Variants in AFG2A observed in about 807,000 individuals in gnomAD.
AFG2A encodes ATPase family gene 2 protein homolog A.
At chr4:123,319,318 T>C in the AFG2A span, 1 of 152,188 alleles carries the variant, frequency 6.6e-6, no homozygotes, top group Admixed American at 6.5e-5. Context: ...GAATGTGAGG[T>C]TATTAGAGTC....
chr4:122,939,250 T>C, the AFG2A span, among the ~76,000 whole-genome samples: 1 of 151,954 alleles, frequency 6.6e-6, no homozygotes, highest in South Asian at 2.1e-4. Context: ...CACGCCTGGC[T>C]GATTTTGTAT....
At chr4:123,017,014 C>G in the AFG2A span, among the ~76,000 whole-genome samples, 2 of 152,064 alleles carry the variant, frequency 1.3e-5, no homozygotes, top group Non-Finnish European at 2.9e-5. Flanking sequence ...CGCAGGCCCT[C>G]GGCAGGCTGA....
chr4:123,158,284 G>A, the AFG2A span, among the ~76,000 whole-genome samples: 1 of 152,270 alleles, frequency 6.6e-6, no homozygotes, highest in Non-Finnish European at 1.5e-5. Context: ...TATTTCTTTT[G>A]TACATTTAAA....
the AFG2A span, among the ~76,000 whole-genome samples, chr4:122,997,790 T>G: frequency 6.6e-6 from 1 of 152,202 alleles, no homozygotes; most frequent in African/African-American, 2.4e-5. Flanking sequence ...TTTTTCCACT[T>G]CTTTGCTAAC....
chr4:123,146,276 T>C, the AFG2A span, among the ~76,000 whole-genome samples: 1 of 152,072 alleles, frequency 6.6e-6, no homozygotes, highest in East Asian at 1.9e-4. Context: ...TAGTGAGATA[T>C]AGTTAGTAAA....
At chr4:123,178,386 C>T in the AFG2A span, among the ~76,000 whole-genome samples, 4 of 152,150 alleles carry the variant, frequency 2.6e-5, no homozygotes, top group African/African-American at 9.7e-5. Context: ...CAGGTTTTTT[C>T]CTTGTCTATT....
the AFG2A span, among the ~76,000 whole-genome samples, chr4:123,113,481 G>A: frequency 6.6e-3 from 1,009 of 151,740 alleles, 13 homozygotes; most frequent in African/African-American, 0.022. Context: ...ATGCTGCAGC[G>A]TCATATCCAG....
chr4:123,059,349 G>T, the AFG2A span, among the ~76,000 whole-genome samples: 3 of 127,142 alleles, frequency 2.4e-5, no homozygotes, highest in African/African-American at 6.0e-5. Context: ...TTCCCCTTCC[G>T]GTGTCCATGT....
the AFG2A span, among the ~76,000 whole-genome samples, chr4:123,165,716 T>A: frequency 2.6e-5 from 4 of 152,168 alleles, no homozygotes; most frequent in Non-Finnish European, 5.9e-5. Context: ...ATTTATGATA[T>A]CCTGCTCTGA....
At chr4:123,259,476 T>A in the AFG2A span, among the ~76,000 whole-genome samples, 1 of 152,210 alleles carries the variant, frequency 6.6e-6, no homozygotes, top group Non-Finnish European at 1.5e-5. Flanking sequence ...TTTAGCCATC[T>A]CTGCCACCTG....
At chr4:123,123,444 T>C in the AFG2A span, among the ~76,000 whole-genome samples, 276 of 152,324 alleles carry the variant, frequency 1.8e-3, no homozygotes, top group African/African-American at 6.3e-3. Context: ...CTTGATGATC[T>C]TTTATGTTTT....
the AFG2A span, among the ~76,000 whole-genome samples, chr4:123,234,252 T>G: frequency 6.6e-6 from 1 of 152,168 alleles, no homozygotes; most frequent in Non-Finnish European, 1.5e-5. Flanking sequence ...AATCTGACGG[T>G]ATAAAATTAA....
chr4:123,258,390 TTC>T, the AFG2A span, among the ~76,000 whole-genome samples: 1 of 152,152 alleles, frequency 6.6e-6, no homozygotes, highest in African/African-American at 2.4e-5. Flanking sequence ...AAGGTTTCAT[TTC>T]TCTCTCTCTG....
chr4:123,177,688 A>G, the AFG2A span, among the ~76,000 whole-genome samples: 7 of 152,200 alleles, frequency 4.6e-5, no homozygotes. Flanking sequence ...GAAAGAAGAA[A>G]ACTTAACTTT....
the AFG2A span, among the ~76,000 whole-genome samples, chr4:122,960,053 G>A: frequency 1.3e-5 from 2 of 152,096 alleles, no homozygotes; most frequent in South Asian, 4.2e-4. Context: ...TTGATATGTC[G>A]TGACTTGTCC....
the AFG2A span, among the ~76,000 whole-genome samples, chr4:123,027,460 AC>A: frequency 6.6e-6 from 1 of 151,740 alleles, no homozygotes; most frequent in Non-Finnish European, 1.5e-5. Flanking sequence ...GTTGGCTTTT[AC>A]GTTTGTCTTC....
At chr4:123,007,608 G>GTATATATA in the AFG2A span, among the ~76,000 whole-genome samples, 1 of 18,162 alleles carries the variant, frequency 5.5e-5, no homozygotes, top group African/African-American at 1.8e-4. Flanking sequence ...GTGTGTGTGT[G>GTATATATA]TATATATATA....
At chr4:123,123,951 CAAAAAA>C in the AFG2A span, among the ~76,000 whole-genome samples, 266 of 35,768 alleles carry the variant, frequency 7.4e-3, 1 homozygote, top group African/African-American at 0.026. Flanking sequence ...AACTCCGTCT[CAAAAAA>C]AAAAAAAAAA....
At chr4:123,275,571 C>G in the AFG2A span, among the ~76,000 whole-genome samples, 3,320 of 152,104 alleles carry the variant, frequency 0.022, 64 homozygotes, top group Non-Finnish European at 0.035. Flanking sequence ...ATGGGGGTTT[C>G]ATGTACAGAT....
Sources: gnomAD v4.1 joint callset for allele counts (sites outside exome capture counted in the v4.1 genomes callset) on GRCh38, gnomAD v4.1.1 for gene constraint, MANE v1.5 for transcripts, NCBI Gene and HGNC (gene_info 2026-07-23, HGNC 2026-07-21) for gene names.